CCDC60: variants seen among roughly 807,000 people sequenced by gnomAD.
CCDC60 encodes the protein coiled-coil domain containing 60, also known as coiled-coil domain-containing protein 60.
A neutral mutation model predicts 63.5 loss-of-function variants in CCDC60; 54 were observed. The observed-to-expected ratio is 0.85, with a 90% confidence interval of 0.68 to 1.07. The LOEUF is 1.07. Among genes scored for constraint, CCDC60 ranks in the 50% least tolerant of loss-of-function variants. The probability of loss-of-function intolerance (pLI) is 0.00; values close to 1 mark genes in which losing one functional copy is unlikely to be tolerated. For missense variants in CCDC60, 651 were observed against 684.3 expected (o/e 0.95, Z 0.54); for synonymous variants, 206 against 238.8 (o/e 0.86, Z 1.27).
At chr12:119,409,966 A>G (rs1048334341) in intron 1 of CCDC60, among the ~76,000 whole-genome samples, 2 of 151,964 alleles carry the variant, frequency 1.3e-5, no homozygotes, top group Admixed American at 6.6e-5. Context: ...GCTCCAATCC[A>G]TGCATTAATG....
chr12:119,471,862 CTT>C, intron 2 of CCDC60, 130 bp from the exon 3 acceptor site: 2 of 612,172 alleles, frequency 3.3e-6, no homozygotes, highest in Admixed American at 3.1e-5. Context: ...CTACCTGTTT[CTT>C]TCTCTCTATC....
intron 9 of CCDC60, 60 bp from the exon 10 acceptor site, chr12:119,522,879 G>C: frequency 6.6e-7 from 1 of 1,512,400 alleles, no homozygotes; most frequent in Non-Finnish European, 9.2e-7. Flanking sequence ...GAGCACTGGG[G>C]GCACCCTTTT....
chr12:119,415,325 C>G (rs914269368), intron 1 of CCDC60, among the ~76,000 whole-genome samples: 2 of 152,120 alleles, frequency 1.3e-5, no homozygotes, highest in Admixed American at 1.3e-4. Flanking sequence ...GAAAAAAGGG[C>G]AGCAGGTGCA....
At chr12:119,496,191 A>G (rs1022884352) in intron 5 of CCDC60, among the ~76,000 whole-genome samples, 3 of 152,146 alleles carry the variant, frequency 2.0e-5, no homozygotes, top group Non-Finnish European at 4.4e-5. Context: ...CCCCTCCGTC[A>G]TGGACATATG....
intron 11 of CCDC60, among the ~76,000 whole-genome samples, chr12:119,527,382 A>G (rs1331557970): frequency 2.0e-5 from 3 of 152,212 alleles, no homozygotes; most frequent in Non-Finnish European, 4.4e-5. Context: ...TTATCTATGT[A>G]ACAAATCTTC....
intron 1 of CCDC60, among the ~76,000 whole-genome samples, chr12:119,338,058 G>C (rs961695368): frequency 1.3e-5 from 2 of 152,090 alleles, no homozygotes; most frequent in Admixed American, 1.3e-4. Flanking sequence ...GAAACTGTTG[G>C]ATAGACCAAG....
intron 1 of CCDC60, among the ~76,000 whole-genome samples, chr12:119,411,576 A>C (rs1344171368): frequency 6.6e-6 from 1 of 152,030 alleles, no homozygotes; most frequent in African/African-American, 2.4e-5. Context: ...GTCATCCAAG[A>C]CCCTTGTGAT....
At chr12:119,481,252 A>G (rs1460898876) in intron 4 of CCDC60, among the ~76,000 whole-genome samples, 1 of 152,294 alleles carries the variant, frequency 6.6e-6, no homozygotes. Flanking sequence ...ATGTTCTTAA[A>G]GCATCTCCTT....
At chr12:119,378,535 G>A (rs769777818) in intron 1 of CCDC60, among the ~76,000 whole-genome samples, 1 of 152,190 alleles carries the variant, frequency 6.6e-6, no homozygotes, top group Non-Finnish European at 1.5e-5. Context: ...ATGAGGGCCA[G>A]TGTAATTGGT....
At chr12:119,490,898 G>A (rs1229022597) in intron 5 of CCDC60, among the ~76,000 whole-genome samples, 1 of 152,156 alleles carries the variant, frequency 6.6e-6, no homozygotes, top group Non-Finnish European at 1.5e-5. Context: ...CAAGTAATAA[G>A]TGAATACAAT....
In CCDC60 at chr12:119,528,502, A is replaced by G. The variant is rs148420310; in HGVS notation, c.1230-113A>G. ...AAGTTAAAGATTAGCTGACAGGGTT[A>G]AGAAAAGCCTCATGAAGGAAAAGGT... On this transcript the variant is annotated intron_variant, in intron 11 of 13. Coordinates refer to ENST00000327554, the MANE Select transcript of CCDC60 (RefSeq NM_178499.5). 2.7e-4 allele frequency: 330 copies of G among 1,224,496 alleles called. No individual in the cohort carries two copies. In the African/African-American group the frequency reaches 3.7e-3, roughly 14 times the overall value. The allele number at this position is 1,224,496 out of a possible 1,614,324, so 75.9% of individuals were successfully genotyped here. A position where few individuals can be genotyped will look rare whatever the true frequency, so the allele number is the denominator to read the frequency against.
chr12:119,413,809 C>T (rs1416447334), intron 1 of CCDC60, among the ~76,000 whole-genome samples: 4 of 152,176 alleles, frequency 2.6e-5, no homozygotes, highest in African/African-American at 9.7e-5. Context: ...TCAAGCCCCT[C>T]AGAGAGCAGT....
intron 2 of CCDC60, among the ~76,000 whole-genome samples, chr12:119,465,354 A>G (rs1950933925): frequency 6.6e-6 from 1 of 152,218 alleles, no homozygotes; most frequent in Non-Finnish European, 1.5e-5. Flanking sequence ...GAACCCACCT[A>G]TGACCTATAA....
chr12:119,502,643 A>T (rs1951883521), intron 6 of CCDC60, among the ~76,000 whole-genome samples: 1 of 152,204 alleles, frequency 6.6e-6, no homozygotes, highest in Non-Finnish European at 1.5e-5. Flanking sequence ...AATTTTAATT[A>T]ATGGCAACTT....
At chr12:119,434,468 T>C (rs1950291250) in intron 2 of CCDC60, among the ~76,000 whole-genome samples, 1 of 152,184 alleles carries the variant, frequency 6.6e-6, no homozygotes, top group African/African-American at 2.4e-5. Context: ...AGATGACGAC[T>C]TGCATTATAA....
At chr12:119,399,224 G>A (rs993318764) in intron 1 of CCDC60, among the ~76,000 whole-genome samples, 10 of 152,312 alleles carry the variant, frequency 6.6e-5, no homozygotes, top group African/African-American at 2.2e-4. Context: ...AGCTCTGGAA[G>A]CCTGGATGAC....
intron 4 of CCDC60, among the ~76,000 whole-genome samples, chr12:119,481,173 C>A (rs1323474268): frequency 1.3e-5 from 2 of 152,158 alleles, no homozygotes; most frequent in Non-Finnish European, 2.9e-5. Flanking sequence ...TCCATCCCAT[C>A]CCACTGTCCC....
intron 11 of CCDC60, among the ~76,000 whole-genome samples, chr12:119,528,281 A>G (rs962821456): frequency 1.3e-5 from 2 of 152,130 alleles, no homozygotes; most frequent in African/African-American, 2.4e-5. Flanking sequence ...TACACACATT[A>G]TATCATTTAA....
At chr12:119,450,597 G>A (rs1299802470) in intron 2 of CCDC60, among the ~76,000 whole-genome samples, 4 of 152,190 alleles carry the variant, frequency 2.6e-5, no homozygotes, top group African/African-American at 7.2e-5. Context: ...AGTGGCTCAC[G>A]CCTGTAATCC....
Sources: allele counts gnomAD v4.1 joint callset (sites outside exome capture counted in the v4.1 genomes callset), GRCh38; gene constraint gnomAD v4.1.1; transcripts MANE v1.5; gene names NCBI Gene and HGNC (gene_info 2026-07-23, HGNC 2026-07-21).